The following ACSF2 variants were observed in gnomAD, a reference collection of about 807,000 sequenced individuals.
ACSF2 encodes the protein acyl-CoA synthetase family member 2, also known as medium-chain acyl-CoA ligase ACSF2, mitochondrial.
Under a neutral mutation model 79.3 loss-of-function variants are expected in ACSF2, and 52 were observed. That is an observed-to-expected ratio of 0.66 (90% CI 0.53 to 0.83). The LOEUF (loss-of-function observed/expected upper bound fraction) is 0.83. Ranked by LOEUF, ACSF2 falls within the 40% of genes least tolerant of loss-of-function variation. The pLI is 0.00. For missense variants in ACSF2, 661 were observed against 803.3 expected (o/e 0.82, Z 2.14); for synonymous variants, 283 against 312.6 (o/e 0.91, Z 1.00).
At chr17:50,446,036 G>A (rs1215539803) in intron 1 of ACSF2, among the ~76,000 whole-genome samples, 4 of 152,144 alleles carry the variant, frequency 2.6e-5, no homozygotes, top group Non-Finnish European at 4.4e-5. Context: ...ATTCAACATT[G>A]GGACTGTTTA....
intron 10 of ACSF2, chr17:50,468,985 G>C (rs1387740264): frequency 5.1e-6 from 7 of 1,367,950 alleles, no homozygotes; most frequent in Non-Finnish European, 6.5e-6. Flanking sequence ...TAACTCGCTC[G>C]CGCCCAGAGA....
chr17:50,434,914 A>G (rs1007872196), intron 1 of ACSF2, among the ~76,000 whole-genome samples: 2 of 151,684 alleles, frequency 1.3e-5, no homozygotes, highest in Admixed American at 1.3e-4. Context: ...GTTGTTGCCC[A>G]GGCTGGAGTG....
chr17:50,469,087 G>T (rs1480801009), intron 10 of ACSF2: 2 of 1,211,500 alleles, frequency 1.7e-6, no homozygotes, highest in Non-Finnish European at 2.1e-6. Context: ...CCCGAGCCCC[G>T]AGCCCTGAGC....
In ACSF2 at chr17:50,474,440, A is replaced by G. The variant is rs553800494; in HGVS notation, c.1798-62A>G. On this transcript the variant is annotated intron_variant, in intron 15 of 15. Transcript: ENST00000300441. This position sits in a 1 kb window ranked among gnomAD's most constrained non-coding sequence, Gnocchi z 4.2. The stretch of plus-strand genomic sequence containing the variant: ...TGTTTTGGCACTAAGAGCCTGAGAA[A>G]CCCCTTATTCTTGGGTGAACCAAGA... 2.3e-5 allele frequency: 37 copies of G among 1,579,822 alleles called. No individual in the cohort carries two copies. In the African/African-American group the frequency reaches 4.5e-4, roughly 19 times the overall value.
intron 1 of ACSF2, among the ~76,000 whole-genome samples, chr17:50,447,269 G>T (rs934881507): frequency 1.3e-5 from 2 of 152,132 alleles, no homozygotes; most frequent in South Asian, 2.1e-4. Flanking sequence ...GCCAGGTGTG[G>T]TGGCTCACTC....
chr17:50,430,651 C>T (rs1288449791), intron 1 of ACSF2, among the ~76,000 whole-genome samples: 7 of 152,022 alleles, frequency 4.6e-5, no homozygotes, highest in Non-Finnish European at 8.8e-5. Flanking sequence ...GGCGACAGAG[C>T]GAGACTCTGT....
intron 11 of ACSF2, 84 bp from the exon 12 acceptor site, chr17:50,472,344 A>G (rs901004596): frequency 1.3e-6 from 2 of 1,505,990 alleles, no homozygotes; most frequent in Non-Finnish European, 1.8e-6. Flanking sequence ...GGTTGGGGGC[A>G]GGCAAAGCTC....
Position 50,460,699 on chromosome 17 carries a change from G to A in ACSF2, c.151G>A (p.Val51Ile). ...CAGTTCCAGAGAGGTGGATCGCATG[G>A]TCTCCACGCCCATCGGAGGCCTCAG... is the stretch of plus-strand genomic sequence containing the variant. The part of the protein sequence containing the change: ...FLSSREVDRM[V>I]STPIGGLSYV... Residue 51 changes from valine to isoleucine, a missense_variant, in exon 2 of 16, where the codon GTC becomes ATC. Coordinates refer to ENST00000300441, the MANE Select transcript of ACSF2 (RefSeq NM_025149.6). 6.2e-7 allele frequency: 1 copy of A among 1,612,772 alleles called. No individual in the cohort carries two copies.
intron 10 of ACSF2, among the ~76,000 whole-genome samples, chr17:50,467,144 C>T (rs1188296300): frequency 6.6e-6 from 1 of 152,272 alleles, no homozygotes; most frequent in East Asian, 1.9e-4. Context: ...AGAAGGGATT[C>T]TGCTCTGATC....
At position 50,462,229 on chromosome 17, in the gene ACSF2, C is replaced by G. The variant is rs1457693606; in HGVS notation, c.553C>G (p.Gln185Glu). ...LVFPKQFKTQ[Q>E]YYNVLKQICP... ...GTTCCCCAAGCAATTCAAGACCCAG[C>G]AATACTACAACGTCCTGAAGCAGAT... The change falls in exon 5 of 16, where the codon CAA becomes GAA. Residue 185 changes from glutamine (Q) to glutamate (E), a missense_variant. Transcript: ENST00000300441. The G allele has an allele frequency of 6.2e-7, 1 of 1,613,944 alleles. No individual in the cohort carries two copies. The highest frequency in any genetic ancestry group is 2.2e-5 in the East Asian group (1 of 44,882).
At chr17:50,470,998 C>G (rs902009066) in intron 10 of ACSF2, 30 bp from the exon 11 acceptor site, 2 of 1,564,072 alleles carry the variant, frequency 1.3e-6, no homozygotes, top group African/African-American at 1.4e-5. Flanking sequence ...GTGCTGAGCC[C>G]TCTTCAAACA....
chr17:50,473,920 G>C lies in ACSF2; in HGVS notation c.1644G>C (p.Met548Ile). The change falls in exon 14 of 16, where the codon ATG (methionine) becomes ATC (isoleucine). Residue 548 changes from methionine to isoleucine, a missense_variant. Coordinates refer to ENST00000300441, the MANE Select transcript of ACSF2 (RefSeq NM_025149.6). ...TGGTGGGAGTGAAGGACGATCGGAT[G>C]GGGGAAGAGATTTGTGCCTGCATTC... ...VQVVGVKDDRMGEEICACIRL... is the reference protein window; with the variant it reads ...VQVVGVKDDRIGEEICACIRL... The C allele has an allele frequency of 1.3e-6, 2 of 1,581,326 alleles. No individual in the cohort carries two copies. Among genetic ancestry groups the C allele is most frequent in the East Asian group, 2.3e-5 (1 of 44,360 alleles).
At chr17:50,429,521 C>CTT (rs142859188) in intron 1 of ACSF2, among the ~76,000 whole-genome samples, 310 of 147,230 alleles carry the variant, frequency 2.1e-3, no homozygotes, top group African/African-American at 7.4e-3. Context: ...TTCTCTTTTT[C>CTT]TTTTTTTTTT....
chr17:50,454,505 C>T (rs1022654130), intron 1 of ACSF2, among the ~76,000 whole-genome samples: 1 of 152,046 alleles, frequency 6.6e-6, no homozygotes, highest in Non-Finnish European at 1.5e-5. Flanking sequence ...TGTGGTGCCC[C>T]AAATCACTAT....
intron 1 of ACSF2, among the ~76,000 whole-genome samples, chr17:50,448,252 A>G (rs998166994): frequency 6.6e-6 from 1 of 152,252 alleles, no homozygotes; most frequent in Admixed American, 6.5e-5. Flanking sequence ...GTATGTGAAC[A>G]TATCTAAACG....
chr17:50,468,720 C>T, intron 10 of ACSF2: 1 of 1,611,822 alleles, frequency 6.2e-7, no homozygotes, highest in South Asian at 1.1e-5. Flanking sequence ...TGCTGCAGGT[C>T]GCTGTGGCAG....
chr17:50,449,694 G>A (rs905329285), intron 1 of ACSF2, among the ~76,000 whole-genome samples: 4 of 151,878 alleles, frequency 2.6e-5, no homozygotes, highest in South Asian at 2.1e-4. Flanking sequence ...GATTACAGGC[G>A]TGAGCCACCA....
intron 1 of ACSF2, among the ~76,000 whole-genome samples, chr17:50,440,484 T>G (rs1460115610): frequency 6.6e-6 from 1 of 152,246 alleles, no homozygotes; most frequent in Non-Finnish European, 1.5e-5. Flanking sequence ...TCTCCTCTTA[T>G]GTTCTCCATG....
intron 1 of ACSF2, among the ~76,000 whole-genome samples, chr17:50,446,480 A>G (rs1598403431): frequency 6.6e-6 from 1 of 151,802 alleles, no homozygotes; most frequent in Admixed American, 6.6e-5. Flanking sequence ...CTGATTTCGA[A>G]CTCCTGACCT....
Sources: gnomAD v4.1 joint callset for allele counts (sites outside exome capture counted in the v4.1 genomes callset) on GRCh38, gnomAD v4.1.1 for gene constraint, Gnocchi (gnomAD v3.1) non-coding constraint, MANE v1.5 for transcripts, NCBI Gene and HGNC (gene_info 2026-07-23, HGNC 2026-07-21) for gene names.